ABLIM3: variants seen among roughly 807,000 people sequenced by gnomAD.
ABLIM3 encodes the protein actin-binding LIM protein 3.
A neutral mutation model predicts 109.5 loss-of-function variants in ABLIM3; 61 were observed. The ratio of observed to expected loss-of-function variants is 0.56; its 90% CI spans 0.45 to 0.69. ABLIM3 has a LOEUF of 0.69. Ranked by LOEUF, ABLIM3 falls within the 30% of genes least tolerant of loss-of-function variation. ABLIM3 has a pLI of 0.00. For synonymous variants in ABLIM3, 300 were observed against 324.8 expected (o/e 0.92, Z 0.82); for missense variants, 796 against 889.5 (o/e 0.89, Z 1.34).
At chr5:149,200,512 C>A (rs1023600295) in intron 5 of ABLIM3, 84 bp downstream of exon 5, 2 of 1,429,888 alleles carry the variant, frequency 1.4e-6, no homozygotes, top group Non-Finnish European at 1.9e-6. Context: ...ACTGCTCCCA[C>A]GGGCCTGGAG....
At chr5:149,220,639 T>C (rs1191054410) in intron 8 of ABLIM3, 3 of 152,058 alleles carry the variant, frequency 2.0e-5, no homozygotes, top group Non-Finnish European at 4.4e-5. Context: ...GGATTCAATA[T>C]GATATCCCCC....
chr5:149,181,952 C>T (rs1756507563), intron 2 of ABLIM3, among the ~76,000 whole-genome samples: 1 of 152,170 alleles, frequency 6.6e-6, no homozygotes. Context: ...AACATTCATT[C>T]CTGAGTTAGG....
intron 2 of ABLIM3, among the ~76,000 whole-genome samples, chr5:149,167,570 A>G (rs1268112341): frequency 6.6e-6 from 1 of 152,206 alleles, no homozygotes; most frequent in Non-Finnish European, 1.5e-5. Flanking sequence ...GACAAGAGCT[A>G]TACTAATCAT....
intron 6 of ABLIM3, 128 bp downstream of exon 6, chr5:149,207,262 A>G (rs984454311): frequency 1.1e-5 from 15 of 1,369,074 alleles, no homozygotes; most frequent in Non-Finnish European, 1.5e-5. Flanking sequence ...ATTCTGGCCA[A>G]ACAGCATCTT....
intron 5 of ABLIM3, among the ~76,000 whole-genome samples, chr5:149,201,486 C>A (rs1174704954): frequency 6.6e-6 from 1 of 152,102 alleles, no homozygotes; most frequent in African/African-American, 2.4e-5. Flanking sequence ...GGGCTTAGCT[C>A]CCAGGGGCTC....
intron 2 of ABLIM3, among the ~76,000 whole-genome samples, chr5:149,146,139 GGTTTTTGGGGGCGTGGGGTTT>G (rs1412303462): frequency 4.3e-4 from 66 of 152,168 alleles, no homozygotes; most frequent in African/African-American, 1.6e-3. Flanking sequence ...ACTTTTTAAT[GGTTTTTGGGGGCGTGGGGTTT>G]GTTTTTGTTT....
At chr5:149,243,621 G>C (rs1753069052) in intron 15 of ABLIM3, 1 of 152,492 alleles carries the variant, frequency 6.6e-6, no homozygotes, top group Admixed American at 6.5e-5. Context: ...GAGCAGGGGG[G>C]TCCGAGGTGA....
intron 13 of ABLIM3, 61 bp downstream of exon 13, chr5:149,239,949 G>A (rs1234346194): frequency 1.3e-6 from 2 of 1,542,880 alleles, no homozygotes; most frequent in Non-Finnish European, 1.7e-6. Flanking sequence ...CAGTCACTTG[G>A]GGTCCCTGCT....
In ABLIM3 at chr5:149,198,564, C is replaced by G. The variant is rs1264086994; in HGVS notation, c.335+162C>G. 6.6e-6 allele frequency among the ~76,000 whole-genome samples: 1 copy of G among 152,208 alleles called. No homozygotes were observed. The highest frequency in any genetic ancestry group is 1.5e-5 in the Non-Finnish European group (1 of 68,030). ...AGGGATCTGATGGGCCAGTGGTTTT[C>G]AAACACTGTAGCATCTGAATCTTTC... On this transcript the variant is annotated intron_variant, in intron 4 of 23. Transcript: ENST00000309868. The surrounding 1 kb of genome is among the most constrained non-coding windows in gnomAD (Gnocchi z 4.2).
chr5:149,186,924 G>T (rs1342817974), intron 3 of ABLIM3, among the ~76,000 whole-genome samples: 1 of 151,302 alleles, frequency 6.6e-6, no homozygotes, highest in Non-Finnish European at 1.5e-5. Context: ...TCTAAAAATA[G>T]AAATATATAA....
In ABLIM3 at chr5:149,236,723, G is replaced by T. The variant is rs148068985; in HGVS notation, c.889-725G>T. ...GACAGTGAACTCCCCATCCCGAGAA[G>T]ACAGGAGAGGCCGCTGAAGAGGGCA... On this transcript the variant is annotated intron_variant, in intron 10 of 23. Transcript: ENST00000309868. 2.9e-3 allele frequency among the ~76,000 whole-genome samples: 436 copies of T among 152,268 alleles called. 2 individuals are homozygous for T. The highest frequency in any genetic ancestry group is 9.6e-3 in the African/African-American group (400 of 41,542).
intron 6 of ABLIM3, 71 bp downstream of exon 6, chr5:149,207,205 T>C (rs1759077896): frequency 1.9e-6 from 3 of 1,555,804 alleles, no homozygotes; most frequent in African/African-American, 2.7e-5. Flanking sequence ...ATTGAGCCCA[T>C]GCCTACATCT....
chr5:149,250,452 C>G lies in ABLIM3; in HGVS notation c.1735C>G (p.Leu579Val). The G allele has an allele frequency of 6.2e-7, 1 of 1,614,200 alleles. No homozygotes were observed. Reference protein sequence around the residue: ...RSHYLADSDPLISKSASLPAY... With the variant: ...RSHYLADSDPVISKSASLPAY... Reference sequence around the variant, plus strand: ...CTCTAGATCCTTCTTTTCAGATCCTCTCATCTCCAAATCTGCCTCCCTGCC... The same window carrying G: ...CTCTAGATCCTTCTTTTCAGATCCTGTCATCTCCAAATCTGCCTCCCTGCC... Residue 579 changes from leucine (L) to valine (V), a missense_variant, in exon 20 of 24, where the codon CTC becomes GTC. Leu to Val is a conservative substitution (Grantham distance 32). Coordinates refer to ENST00000309868, the MANE Select transcript of ABLIM3 (RefSeq NM_014945.5).
At chr5:149,237,682 G>C in intron 11 of ABLIM3, 79 bp downstream of exon 11, 1 of 1,571,668 alleles carries the variant, frequency 6.4e-7, no homozygotes, top group Non-Finnish European at 8.6e-7. Context: ...CTCCATCACA[G>C]ACAGTTTGGC....
chr5:149,169,478 G>A (rs1755170264), intron 2 of ABLIM3, among the ~76,000 whole-genome samples: 1 of 152,086 alleles, frequency 6.6e-6, no homozygotes, highest in Non-Finnish European at 1.5e-5. Context: ...TCATTAGTCA[G>A]GAGTATTTCA....
intron 21 of ABLIM3, 123 bp from the exon 22 acceptor site, chr5:149,252,078 G>A (rs1753979184): frequency 9.1e-7 from 1 of 1,104,346 alleles, no homozygotes; most frequent in Admixed American, 2.4e-5. Context: ...GTCTCTGATG[G>A]TCAAGAGAAG....
chr5:149,247,599 G>A lies in ABLIM3; in HGVS notation c.1552-183G>A, dbSNP rs73275740. 1.5e-3 allele frequency: 1,238 copies of A among 844,952 alleles called. 9 individuals carry two copies. In the African/African-American group the frequency reaches 0.019, roughly 13 times the overall value. The allele number at this position is 844,952 out of a possible 1,614,324, so 52.3% of individuals were successfully genotyped here. A position where few individuals can be genotyped will look rare whatever the true frequency, so the allele number is the denominator to read the frequency against. ...CCCCACCCAGACCACAGGACAACTT[G>A]TGGAAGACAAGATGAGATTGCAACA... is the stretch of plus-strand genomic sequence containing the variant. On this transcript the variant is annotated intron_variant, in intron 17 of 23. Coordinates refer to ENST00000309868, the MANE Select transcript of ABLIM3 (RefSeq NM_014945.5).
At chr5:149,197,349 T>C (rs1758069454) in intron 3 of ABLIM3, among the ~76,000 whole-genome samples, 1 of 152,192 alleles carries the variant, frequency 6.6e-6, no homozygotes, top group Non-Finnish European at 1.5e-5. Flanking sequence ...ACTCAGATGC[T>C]ACCTCCTCTG....
At chr5:149,258,091 C>T (rs1176298305) in intron 23 of ABLIM3, among the ~76,000 whole-genome samples, 200 bp from the exon 24 acceptor site, 1 of 152,206 alleles carries the variant, frequency 6.6e-6, no homozygotes, top group African/African-American at 2.4e-5. Context: ...AGAGTCCTCC[C>T]TGGGAAAATG....
Sources: allele counts gnomAD v4.1 joint callset (sites outside exome capture counted in the v4.1 genomes callset), GRCh38; gene constraint gnomAD v4.1.1; non-coding constraint Gnocchi (gnomAD v3.1); transcripts MANE v1.5; gene names NCBI Gene and HGNC (gene_info 2026-07-23, HGNC 2026-07-21).